Variants in CORIN observed in about 807,000 individuals in gnomAD.
The protein encoded by CORIN is atrial natriuretic peptide-converting enzyme.
CORIN carries 117 observed loss-of-function variants against 125.3 expected under a neutral mutation model. The observed-to-expected ratio is 0.93, with a 90% CI of 0.80 to 1.09. CORIN has a LOEUF of 1.09. Ranked by LOEUF, CORIN falls within the 50% of genes least tolerant of loss-of-function variation. The probability of loss-of-function intolerance (pLI) is 0.00; values close to 1 mark genes in which losing one functional copy is unlikely to be tolerated. For missense variants in CORIN, 1,253 were observed against 1,306.7 expected (o/e 0.96, Z 0.63); for synonymous variants, 450 against 466.4 (o/e 0.96, Z 0.45).
At chr4:47,612,946 G>C (rs1478167185) in intron 19 of CORIN, among the ~76,000 whole-genome samples, 1 of 152,114 alleles carries the variant, frequency 6.6e-6, no homozygotes, top group East Asian at 1.9e-4. Context: ...GCAAGAGAAG[G>C]GTTTAGTCAC....
At position 47,626,449 on chromosome 4, in the gene CORIN, C is replaced by G; in HGVS notation, c.2271G>C (p.Trp757Cys). The change falls in exon 17 of 22, where the codon TGG becomes TGC. Residue 757 changes from tryptophan (W) to cysteine (C), a missense_variant. By Grantham distance (215) the Trp-to-Cys change is radical. Coordinates refer to ENST00000273857, the MANE Select transcript of CORIN (RefSeq NM_006587.4). Reference protein sequence around the residue: ...EPRWLTLHSNWESLNGTTLHE... With the variant: ...EPRWLTLHSNCESLNGTTLHE... ...GTAAAGTGGTCCCATTGAGGCTCTC[C>G]CAGTTGGAGTGTAATGTCAGCCACC... The G allele has an allele frequency of 6.2e-7, 1 of 1,613,890 alleles. No individual in the cohort carries two copies. Among genetic ancestry groups the G allele is most frequent in the South Asian group, 1.1e-5 (1 of 91,076 alleles).
At chr4:47,824,519 A>T (rs762793755) in intron 1 of CORIN, among the ~76,000 whole-genome samples, 1 of 152,110 alleles carries the variant, frequency 6.6e-6, no homozygotes, top group African/African-American at 2.4e-5. Flanking sequence ...ACAGAGTCTC[A>T]GTATGTTGCC....
intron 16 of CORIN, among the ~76,000 whole-genome samples, chr4:47,629,769 T>C (rs1011694424): frequency 6.6e-6 from 1 of 152,164 alleles, no homozygotes; most frequent in African/African-American, 2.4e-5. Flanking sequence ...AGCTAACAGG[T>C]GTTAACTGTT....
intron 5 of CORIN, among the ~76,000 whole-genome samples, chr4:47,732,916 C>T (rs1299888105): frequency 6.6e-6 from 1 of 152,090 alleles, no homozygotes; most frequent in Non-Finnish European, 1.5e-5. Context: ...GACCCCCACC[C>T]CACCACTGTC....
At position 47,735,942 on chromosome 4, in the gene CORIN, TAAAAAAAAAAA is replaced by T. The variant is rs749270493; in HGVS notation, c.799+8449_799+8459del. 4.9e-3 allele frequency among the ~76,000 whole-genome samples: 471 copies of T among 96,384 alleles called. 3 individuals carry two copies. The highest frequency in any genetic ancestry group is 0.018 in the African/African-American group (430 of 24,566). 63.2% of individuals were successfully genotyped at this position (96,384 alleles called of 152,430 possible). A position where few individuals can be genotyped will look rare whatever the true frequency, so the allele number is the denominator to read the frequency against. On this transcript the variant is annotated intron_variant, in intron 5 of 21. Transcript: ENST00000273857. ...AGCCTGGGCGACAGAGACTCCATCT[TAAAAAAAAAAA>T]AAAAAAAAAAAAGAGGATACTAATA...
chr4:47,770,934 G>T (rs746930503), intron 3 of CORIN, among the ~76,000 whole-genome samples: 2 of 152,072 alleles, frequency 1.3e-5, no homozygotes, highest in African/African-American at 4.8e-5. Context: ...TTAGACAGGA[G>T]AAGTAAGATC....
chr4:47,744,289 T>G (rs1041626820), intron 5 of CORIN, 113 bp downstream of exon 5: 3 of 998,104 alleles, frequency 3.0e-6, no homozygotes, highest in Non-Finnish European at 4.4e-6. Context: ...ACATGGATCT[T>G]GTCACTTGGT....
intron 4 of CORIN, among the ~76,000 whole-genome samples, chr4:47,749,615 A>T (rs991545406): frequency 1.2e-4 from 19 of 152,230 alleles, no homozygotes; most frequent in African/African-American, 4.6e-4. Flanking sequence ...GCCCATAGCA[A>T]CTGTATAATA....
rs115844423 is a variant in CORIN, at chr4:47,612,213, A to C, written c.2541-8545T>G. 9.7e-3 allele frequency among the ~76,000 whole-genome samples: 1,475 copies of C among 152,256 alleles called. 25 individuals carry two copies. The highest frequency in any genetic ancestry group is 0.033 in the African/African-American group (1,368 of 41,546). ...ATAGACTTTAGAATAGAGACTTCAA[A>C]GTAAATATATGAAGTGGCTGGGGTA... On this transcript the variant is annotated intron_variant, in intron 19 of 21. Transcript: ENST00000273857.
intron 12 of CORIN, among the ~76,000 whole-genome samples, chr4:47,658,618 A>C (rs1163600472): frequency 6.6e-6 from 1 of 152,244 alleles, no homozygotes; most frequent in Non-Finnish European, 1.5e-5. Context: ...TAAGGCTGCA[A>C]AGGGCAGTGG....
chr4:47,832,841 G>T (rs1190496818), intron 1 of CORIN, among the ~76,000 whole-genome samples: 1 of 152,202 alleles, frequency 6.6e-6, no homozygotes, highest in Non-Finnish European at 1.5e-5. Context: ...TCATGTATCT[G>T]TGCTGCCCAA....
Position 47,837,952 on chromosome 4 carries a change from A to AT in CORIN, c.-4dup, listed in dbSNP as rs775679767. 11 of 1,612,492 alleles carry AT rather than the reference A, an allele frequency of 6.8e-6. No individual in the cohort carries two copies. Among genetic ancestry groups the AT allele is most frequent in the South Asian group, 4.4e-5 (4 of 91,078 alleles). ...GCGAGGGCAGGAGACTGTTTCATGG[A>AT]TAAAAAGTCTCGCTTATTCTTCTGT... On this transcript the variant is annotated 5_prime_UTR_variant, in exon 1 of 22. Coordinates refer to ENST00000273857, the MANE Select transcript of CORIN (RefSeq NM_006587.4).
At chr4:47,730,381 G>A (rs930760742) in intron 5 of CORIN, among the ~76,000 whole-genome samples, 2 of 150,774 alleles carry the variant, frequency 1.3e-5, no homozygotes, top group East Asian at 3.9e-4. Context: ...GCTGAGGCAG[G>A]AGAATCGCAT....
Position 47,675,955 on chromosome 4 carries a change from G to A in CORIN, c.1250-1455C>T, listed in dbSNP as rs556463208. Among the ~76,000 whole-genome samples, 15 of 152,286 alleles carry A rather than the reference G, an allele frequency of 9.8e-5. No individual in the cohort carries two copies. In the South Asian group the frequency reaches 3.1e-3, roughly 32 times the overall value. ...AGGACTTTTCCAAGTCATGGTAAGA[G>A]GAAAGGATGGGTTTCCCAAGCCAAG... On this transcript the variant is annotated intron_variant, in intron 9 of 21. Transcript: ENST00000273857.
At chr4:47,801,701 T>C (rs527386937) in intron 2 of CORIN, among the ~76,000 whole-genome samples, 2 of 152,066 alleles carry the variant, frequency 1.3e-5, no homozygotes, top group Admixed American at 1.3e-4. Context: ...GAGGGAACAT[T>C]TGGACAGGCC....
chr4:47,816,682 T>C (rs1315562485), intron 1 of CORIN, among the ~76,000 whole-genome samples: 2 of 152,136 alleles, frequency 1.3e-5, no homozygotes, highest in African/African-American at 4.8e-5. Flanking sequence ...TCAAAGCACA[T>C]GTCTGTTGGT....
At chr4:47,620,921 A>G (rs1017496566) in intron 19 of CORIN, among the ~76,000 whole-genome samples, 1 of 152,246 alleles carries the variant, frequency 6.6e-6, no homozygotes, top group Admixed American at 6.5e-5. Flanking sequence ...ACAGGCAAAT[A>G]GGCAAAAAAT....
chr4:47,728,642 TTTGAC>T (rs1348902745), intron 5 of CORIN, among the ~76,000 whole-genome samples: 1 of 152,170 alleles, frequency 6.6e-6, no homozygotes, highest in Non-Finnish European at 1.5e-5. Flanking sequence ...ATATCAGACT[TTTGAC>T]TTGTTGCTAA....
chr4:47,666,698 G>C (rs1023997489), intron 10 of CORIN, among the ~76,000 whole-genome samples: 1 of 152,100 alleles, frequency 6.6e-6, no homozygotes, highest in Non-Finnish European at 1.5e-5. Flanking sequence ...TAAAGCTCTC[G>C]CTCTCTCAGC....
Sources: gnomAD v4.1 joint callset for allele counts (sites outside exome capture counted in the v4.1 genomes callset) on GRCh38, gnomAD v4.1.1 for gene constraint, MANE v1.5 for transcripts, NCBI Gene and HGNC (gene_info 2026-07-23, HGNC 2026-07-21) for gene names.